SLC15A1: variants seen among roughly 807,000 people sequenced by gnomAD.
SLC15A1 encodes Caco-2 oligopeptide transporter.
In SLC15A1, 83 loss-of-function variants were observed where a neutral mutation model predicts 92.9. The observed-to-expected ratio is 0.89, with a 90% confidence interval of 0.75 to 1.07. The LOEUF is 1.07. Among genes scored for constraint, SLC15A1 ranks in the 50% least tolerant of loss-of-function variants. The pLI, the probability that SLC15A1 is intolerant of heterozygous loss-of-function variation, is 0.00. For missense variants in SLC15A1, 857 were observed against 880.1 expected (o/e 0.97, Z 0.33); for synonymous variants, 322 against 318.2 (o/e 1.01, Z -0.13).
Position 98,708,786 on chromosome 13 carries a change from A to T in SLC15A1, c.1068-19T>A. ...CAAGGAGCTGATGGCACAAGAGAAG[A>T]GTGACTCTCAACCAGTTTCACATAG... is the stretch of plus-strand genomic sequence containing the variant. On this transcript the variant is annotated intron_variant, in intron 14 of 22. Transcript: ENST00000376503. 4 of 1,597,816 alleles carry T rather than the reference A, an allele frequency of 2.5e-6. No individual in the cohort carries two copies. The highest frequency in any genetic ancestry group is 3.4e-6 in the Non-Finnish European group (4 of 1,171,582).
chr13:98,744,027 T>A (rs2088471686), intron 1 of SLC15A1, among the ~76,000 whole-genome samples: 1 of 151,748 alleles, frequency 6.6e-6, no homozygotes, highest in South Asian at 2.1e-4. Context: ...TAAATGTCGC[T>A]AAATTAAAAG....
At chr13:98,698,129 C>A (rs2088038129) in intron 18 of SLC15A1, among the ~76,000 whole-genome samples, 1 of 152,150 alleles carries the variant, frequency 6.6e-6, no homozygotes, top group Non-Finnish European at 1.5e-5. Context: ...CTGAGCAATT[C>A]ATCAATGTAA....
intron 7 of SLC15A1, among the ~76,000 whole-genome samples, chr13:98,719,779 G>A (rs11838832): frequency 6.6e-6 from 1 of 152,144 alleles, no homozygotes; most frequent in African/African-American, 2.4e-5. Flanking sequence ...AAATATTTCA[G>A]GCTTTGTGAA....
intron 1 of SLC15A1, among the ~76,000 whole-genome samples, chr13:98,751,030 C>CT: frequency 6.6e-6 from 1 of 152,152 alleles, no homozygotes; most frequent in African/African-American, 2.4e-5. Context: ...GCTGGGATTA[C>CT]AAGCGTGAGC....
At chr13:98,704,562 G>T in intron 16 of SLC15A1, 127 bp from the exon 17 acceptor site, 2 of 978,308 alleles carry the variant, frequency 2.0e-6, no homozygotes, top group Non-Finnish European at 3.0e-6. Context: ...CCAAAAAAAT[G>T]CCTGTGGGGA....
chr13:98,684,789 T>C lies in SLC15A1; in HGVS notation c.2062A>G (p.Lys688Glu). 1.2e-6 allele frequency: 2 copies of C among 1,614,120 alleles called. No individual in the cohort carries two copies. The highest frequency in any genetic ancestry group is 2.2e-5 in the East Asian group (1 of 44,870). The change falls in exon 23 of 23, where the codon AAA becomes GAA. Residue 688 changes from lysine (K) to glutamate (E), a missense_variant. By Grantham distance (56) the Lys-to-Glu change is moderately conservative (BLOSUM62 1). Transcript: ENST00000376503. ...GGGTTACTCTTTTCCAGTCTGTTTT[T>C]CTTTTCATCCTCATCAAATTGAGCT... ...IEAQFDEDEK[K>E]NRLEKSNPYF...
intron 15 of SLC15A1, 115 bp from the exon 16 acceptor site, chr13:98,706,368 C>A: frequency 8.5e-7 from 1 of 1,181,714 alleles, no homozygotes. Context: ...CTGGCTGAAA[C>A]ACGCCAGGTG....
At chr13:98,692,442 A>G (rs1470091493) in intron 18 of SLC15A1, among the ~76,000 whole-genome samples, 1 of 152,134 alleles carries the variant, frequency 6.6e-6, no homozygotes, top group East Asian at 1.9e-4. Context: ...TACAGCCATG[A>G]GCCACTAAAC....
At chr13:98,734,911 G>C (rs2088379185) in intron 1 of SLC15A1, among the ~76,000 whole-genome samples, 1 of 152,128 alleles carries the variant, frequency 6.6e-6, no homozygotes, top group South Asian at 2.1e-4. Context: ...GGTACAAAGA[G>C]GAGCTGGTAC....
intron 18 of SLC15A1, among the ~76,000 whole-genome samples, chr13:98,693,842 A>C (rs2088001537): frequency 6.6e-6 from 1 of 152,252 alleles, no homozygotes; most frequent in Non-Finnish European, 1.5e-5. Flanking sequence ...ACTATGCCAA[A>C]GGGAAAGCGA....
rs761381923 is a variant in SLC15A1, at chr13:98,708,752, C to T, written c.1083G>A (p.Met361Ile). The change falls in exon 15 of 23, where the codon ATG (methionine) becomes ATA (isoleucine). Residue 361 changes from methionine to isoleucine, a missense_variant. Met to Ile is a conservative substitution (Grantham distance 10, BLOSUM62 1). Transcript: ENST00000376503. The part of the protein sequence containing the change: ...CGFNFTSLKK[M>I]AVGMVLASMA... ...TGGAGGCCAGGACCATGCCAACTGC[C>T]ATCTTCTTCAAGGAGCTGATGGCAC... is the stretch of plus-strand genomic sequence containing the variant. 3.1e-6 allele frequency: 5 copies of T among 1,611,580 alleles called. No homozygotes were observed. Among genetic ancestry groups the T allele is most frequent in the Non-Finnish European group, 4.2e-6 (5 of 1,179,206 alleles).
Position 98,726,459 on chromosome 13 carries a change from A to G in SLC15A1, c.22-10T>C. Reference sequence around the variant, plus strand: ...GATAACCAAAGAAACTCTGACAAAAAAGAAACAAGCACAGGATTGAAATAC... The same window carrying G: ...GATAACCAAAGAAACTCTGACAAAAGAGAAACAAGCACAGGATTGAAATAC... On this transcript the variant is annotated splice_polypyrimidine_tract_variant and intron_variant, in intron 2 of 22. Coordinates refer to ENST00000376503, the MANE Select transcript of SLC15A1 (RefSeq NM_005073.4). 6.2e-7 allele frequency: 1 copy of G among 1,612,796 alleles called. No individual in the cohort carries two copies. The highest frequency in any genetic ancestry group is 8.5e-7 in the Non-Finnish European group (1 of 1,179,102).
intron 5 of SLC15A1, among the ~76,000 whole-genome samples, chr13:98,722,691 C>T (rs1024270418): frequency 3.9e-5 from 6 of 152,160 alleles, no homozygotes; most frequent in African/African-American, 1.4e-4. Context: ...ATCATGCTTC[C>T]TGAACCAATC....
Position 98,704,285 on chromosome 13 carries a change from T to A in SLC15A1, c.1416+4A>T. On this transcript the variant is annotated splice_donor_region_variant and intron_variant, in intron 17 of 22. Coordinates refer to ENST00000376503, the MANE Select transcript of SLC15A1 (RefSeq NM_005073.4). ...GAGTCAGCTGTAGGTCTTCACACAC[T>A]TACCACCTGGTAGTGATTGGGGGCC... The A allele has an allele frequency of 6.3e-7, 1 of 1,595,908 alleles. No homozygotes were observed. The highest frequency in any genetic ancestry group is 8.5e-7 in the Non-Finnish European group (1 of 1,173,580).
chr13:98,741,551 C>T (rs1027529024), intron 1 of SLC15A1, among the ~76,000 whole-genome samples: 6 of 152,128 alleles, frequency 3.9e-5, no homozygotes, highest in Non-Finnish European at 7.4e-5. Flanking sequence ...GCCTGGCCAA[C>T]ATGGTGAGAG....
chr13:98,706,394 C>T, intron 15 of SLC15A1, 141 bp from the exon 16 acceptor site: 3 of 872,238 alleles, frequency 3.4e-6, no homozygotes, highest in Admixed American at 5.4e-5. Context: ...CACTAAGCTG[C>T]CAATCACAGA....
chr13:98,750,548 C>T (rs1227219527), intron 1 of SLC15A1, among the ~76,000 whole-genome samples: 3 of 152,130 alleles, frequency 2.0e-5, no homozygotes, highest in African/African-American at 7.2e-5. Flanking sequence ...AACTTCTGCT[C>T]CTGGATTCTC....
intron 7 of SLC15A1, among the ~76,000 whole-genome samples, chr13:98,720,064 A>G (rs1482668387): frequency 3.3e-5 from 5 of 152,246 alleles, no homozygotes; most frequent in Admixed American, 3.3e-4. Context: ...TCCAGGCATG[A>G]TCTGCTGCTA....
At chr13:98,749,325 G>T (rs1189396611) in intron 1 of SLC15A1, among the ~76,000 whole-genome samples, 1 of 152,218 alleles carries the variant, frequency 6.6e-6, no homozygotes, top group Non-Finnish European at 1.5e-5. Context: ...ATCTGGTGGG[G>T]CAGGAAGAGA....
Sources: gnomAD v4.1 joint callset for allele counts (sites outside exome capture counted in the v4.1 genomes callset) on GRCh38, gnomAD v4.1.1 for gene constraint, MANE v1.5 for transcripts, NCBI Gene and HGNC (gene_info 2026-07-23, HGNC 2026-07-21) for gene names.